Variants in PCDH15 observed in about 807,000 individuals in gnomAD.
PCDH15 encodes the protein protocadherin-15.
Under a neutral mutation model 178.5 loss-of-function variants are expected in PCDH15, and 129 were observed. The ratio of observed to expected loss-of-function variants is 0.72; its 90% CI spans 0.63 to 0.84. The LOEUF (loss-of-function observed/expected upper bound fraction) is 0.84. Ranked by LOEUF, PCDH15 falls within the 40% of genes least tolerant of loss-of-function variation. The pLI, the probability that PCDH15 is intolerant of heterozygous loss-of-function variation, is 0.00. For missense variants in PCDH15, 2,230 were observed against 2,099.9 expected (o/e 1.06, Z -1.21); for synonymous variants, 800 against 732.0 (o/e 1.09, Z -1.50).
intron 1 of PCDH15, among the ~76,000 whole-genome samples, chr10:55,268,975 C>T (rs1342316921): frequency 1.3e-5 from 2 of 152,060 alleles, no homozygotes; most frequent in Non-Finnish European, 2.9e-5. Context: ...CAAGGCTGGT[C>T]CAACATATGC....
chr10:53,833,824 C>T (rs971172597), intron 29 of PCDH15, among the ~76,000 whole-genome samples: 1 of 151,414 alleles, frequency 6.6e-6, no homozygotes, highest in Non-Finnish European at 1.5e-5. Flanking sequence ...ATGTTTTTTC[C>T]TTTTTCTTAA....
chr10:55,136,846 G>A (rs7916098), intron 2 of PCDH15, among the ~76,000 whole-genome samples: 58,707 of 151,996 alleles, frequency 0.39, 12,148 homozygotes, highest in African/African-American at 0.53. Flanking sequence ...AAACAATTAG[G>A]TGTTTAATAA....
intron 7 of PCDH15, among the ~76,000 whole-genome samples, chr10:54,321,110 G>T (rs946766775): frequency 6.7e-6 from 1 of 149,946 alleles, no homozygotes; most frequent in Non-Finnish European, 1.5e-5. Flanking sequence ...TTAATAAAAT[G>T]ACATATTTAA....
chr10:54,724,874 C>T (rs1048813267), intron 1 of PCDH15, among the ~76,000 whole-genome samples: 1 of 149,116 alleles, frequency 6.7e-6, no homozygotes, highest in Non-Finnish European at 1.5e-5. Flanking sequence ...TGGGCTTCTA[C>T]TCTACCCATT....
chr10:54,296,062 G>A (rs1399754785), intron 8 of PCDH15, among the ~76,000 whole-genome samples: 59 of 144,672 alleles, frequency 4.1e-4, no homozygotes, highest in Middle Eastern at 7.3e-3. Flanking sequence ...GGAGAATGGC[G>A]TGAACCCGGG....
At chr10:55,298,428 C>A (rs1252599658) in intron 1 of PCDH15, among the ~76,000 whole-genome samples, 3 of 152,136 alleles carry the variant, frequency 2.0e-5, no homozygotes, top group African/African-American at 7.2e-5. Flanking sequence ...TAGGATTTCA[C>A]AGATTCTGAG....
At chr10:55,518,196 T>C (rs1168003119) in intron 2 of PCDH15, among the ~76,000 whole-genome samples, 1 of 152,140 alleles carries the variant, frequency 6.6e-6, no homozygotes, top group African/African-American at 2.4e-5. Context: ...CTCTTCCTTA[T>C]TCTGTCATTC....
intron 8 of PCDH15, among the ~76,000 whole-genome samples, chr10:54,248,199 T>G (rs555545892): frequency 1.3e-5 from 2 of 151,856 alleles, no homozygotes; most frequent in East Asian, 1.9e-4. Flanking sequence ...ATTCCATAGT[T>G]GATCAAATAA....
intron 2 of PCDH15, among the ~76,000 whole-genome samples, chr10:54,986,344 G>A (rs375228536): frequency 6.8e-6 from 1 of 148,132 alleles, no homozygotes; most frequent in Non-Finnish European, 1.5e-5. Flanking sequence ...ACAGGATTGA[G>A]AAAAAAAAAA....
At chr10:54,438,972 AG>A (rs1391875984) in intron 3 of PCDH15, among the ~76,000 whole-genome samples, 2 of 152,136 alleles carry the variant, frequency 1.3e-5, no homozygotes, top group Non-Finnish European at 2.9e-5. Flanking sequence ...GTAGAGTCAC[AG>A]AACTTGTCTG....
chr10:54,527,683 G>T, intron 3 of PCDH15, 129 bp downstream of exon 3: 1 of 580,878 alleles, frequency 1.7e-6, no homozygotes, highest in Non-Finnish European at 2.9e-6. Context: ...AACCCATACT[G>T]GAGGGGAATT....
intron 2 of PCDH15, among the ~76,000 whole-genome samples, chr10:54,931,970 T>TA (rs1837789393): frequency 6.6e-6 from 1 of 152,186 alleles, no homozygotes; most frequent in Non-Finnish European, 1.5e-5. Flanking sequence ...ACACTCCACT[T>TA]AGACTGTACA....
intron 2 of PCDH15, among the ~76,000 whole-genome samples, chr10:55,552,171 G>T (rs1440333890): frequency 6.6e-6 from 1 of 151,468 alleles, no homozygotes; most frequent in Non-Finnish European, 1.5e-5. Context: ...ATTGCCTTCT[G>T]GAATTACTCA....
At chr10:55,283,894 T>C (rs970626487) in intron 1 of PCDH15, among the ~76,000 whole-genome samples, 11 of 151,898 alleles carry the variant, frequency 7.2e-5, no homozygotes, top group African/African-American at 2.2e-4. Context: ...AAAGTTGTTA[T>C]AGCTGTCATC....
chr10:54,645,124 G>A (rs1441341703), intron 2 of PCDH15, among the ~76,000 whole-genome samples: 1 of 152,074 alleles, frequency 6.6e-6, no homozygotes, highest in East Asian at 1.9e-4. Flanking sequence ...AAAACTCTTA[G>A]ATACAAAATT....
At chr10:54,344,904 C>CCAAAAAAAAAAAAAAAAAAAAAAA (rs58908008) in intron 6 of PCDH15, among the ~76,000 whole-genome samples, 2 of 78,888 alleles carry the variant, frequency 2.5e-5, no homozygotes, top group Non-Finnish European at 4.6e-5. Context: ...AGAAACAAAG[C>CCAAAAAAAAAAAAAAAAAAAAAAA]AAAAAAAAAA....
At chr10:54,980,041 T>C (rs1038836929) in intron 2 of PCDH15, among the ~76,000 whole-genome samples, 1 of 152,146 alleles carries the variant, frequency 6.6e-6, no homozygotes, top group African/African-American at 2.4e-5. Context: ...AACCAGTAAA[T>C]GGGCAATGAT....
At chr10:55,000,254 A>G (rs1001805851) in intron 2 of PCDH15, among the ~76,000 whole-genome samples, 18 of 152,144 alleles carry the variant, frequency 1.2e-4, no homozygotes, top group African/African-American at 4.1e-4. Context: ...TGAAGCGGCC[A>G]TTTTAGAGGC....
chr10:55,316,443 T>A (rs1008540785), intron 1 of PCDH15, among the ~76,000 whole-genome samples: 9 of 152,198 alleles, frequency 5.9e-5, no homozygotes, highest in African/African-American at 2.2e-4. Flanking sequence ...CAGTTCTTAA[T>A]ATTTTGTGAA....
Sources: allele counts gnomAD v4.1 joint callset (sites outside exome capture counted in the v4.1 genomes callset), GRCh38; gene constraint gnomAD v4.1.1; transcripts MANE v1.5; gene names NCBI Gene and HGNC (gene_info 2026-07-23, HGNC 2026-07-21).